The following CDKN2B-AS1 variants were observed in gnomAD, a reference collection of about 807,000 sequenced individuals.
CDKN2B-AS1 encodes CDKN2B and CDKN2A antisense cis and trans regulatory RNA 1.
At chr9:22,098,295 T>C (rs1176281555) in intron 4 of CDKN2B-AS1, among the ~76,000 whole-genome samples, 13 of 151,512 alleles carry the variant, frequency 8.6e-5, no homozygotes, top group Admixed American at 8.6e-4. Context: ...TGTATTTATA[T>C]ATAGTAAAAA....
At chr9:22,025,716 G>A (rs1003791646) in intron 1 of CDKN2B-AS1, among the ~76,000 whole-genome samples, 3 of 152,186 alleles carry the variant, frequency 2.0e-5, no homozygotes, top group African/African-American at 7.2e-5. Context: ...TCCATCCCTG[G>A]GAAATACAGG....
chr9:22,003,251 C>A (rs1430106119), intron 1 of CDKN2B-AS1: 2 of 217,128 alleles, frequency 9.2e-6, no homozygotes, highest in African/African-American at 4.5e-5. Context: ...AATTGATACC[C>A]AATAATGTTT....
At chr9:22,103,179 G>GTGTGTGTGGT (rs1825546735) in intron 4 of CDKN2B-AS1, among the ~76,000 whole-genome samples, 1 of 134,722 alleles carries the variant, frequency 7.4e-6, no homozygotes, top group African/African-American at 2.6e-5. Flanking sequence ...GTGTGTGTGT[G>GTGTGTGTGGT]GTGCGTGAAG....
rs568082402 is a variant in CDKN2B-AS1 at position 22,089,762 on chromosome 9, CT to C, written n.438+33385del. 8.7e-5 allele frequency among the ~76,000 whole-genome samples: 13 copies of C among 148,918 alleles called. No individual in the cohort carries two copies. In the South Asian group the frequency reaches 1.3e-3, roughly 15 times the overall value. Reference sequence around the variant, plus strand: ...ACTTTGCCCCCTAGCAGACGTCTTACTTTTTTTTTTAATTTGGTATTAGATT... The same window carrying C: ...ACTTTGCCCCCTAGCAGACGTCTTACTTTTTTTTTAATTTGGTATTAGATT... On this transcript the variant is annotated intron_variant and non_coding_transcript_variant, in intron 4 of 4. Transcript: ENST00000650946.
intron 1 of CDKN2B-AS1, among the ~76,000 whole-genome samples, chr9:22,028,978 A>T (rs994628400): frequency 6.6e-6 from 1 of 152,150 alleles, no homozygotes; most frequent in African/African-American, 2.4e-5. Context: ...TTGAAAATGA[A>T]CTTGTTTCTC....
At chr9:22,074,535 A>G (rs1824420143) in intron 4 of CDKN2B-AS1, among the ~76,000 whole-genome samples, 1 of 152,200 alleles carries the variant, frequency 6.6e-6, no homozygotes, top group Non-Finnish European at 1.5e-5. Context: ...TTCAGACTTC[A>G]CATATTTGTT....
intron 4 of CDKN2B-AS1, among the ~76,000 whole-genome samples, chr9:22,109,627 G>A (rs1825752063): frequency 1.3e-5 from 2 of 152,148 alleles, no homozygotes; most frequent in Non-Finnish European, 2.9e-5. Flanking sequence ...TGCTGGTGAT[G>A]GAGGTAAGAG....
chr9:22,023,035 C>G (rs973024846), intron 1 of CDKN2B-AS1, among the ~76,000 whole-genome samples: 1 of 152,104 alleles, frequency 6.6e-6, no homozygotes, highest in African/African-American at 2.4e-5. Context: ...CCTGGGCTTT[C>G]TCTCTGGCTG....
rs540953023 is a variant in CDKN2B-AS1 at position 21,995,468 on chromosome 9, C to A, written n.29+307C>A. On this transcript the variant is annotated intron_variant and non_coding_transcript_variant, in intron 1 of 4. Transcript: ENST00000650946. The surrounding 1 kb of genome is among the most constrained non-coding windows in gnomAD (Gnocchi z 5.7). ...CCACGCTCTGCCCCGCGCCCAGACA[C>A]CCCGACTCCCCTTGATCCCGCCGCC... 28 of 152,538 alleles carry A rather than the reference C, an allele frequency of 1.8e-4. No individual in the cohort carries two copies. Among genetic ancestry groups the A allele is most frequent in the Admixed American group, 7.2e-4 (11 of 15,292 alleles). 9.4% of individuals were successfully genotyped at this position (152,538 alleles called of 1,614,324 possible). A position where few individuals can be genotyped will look rare whatever the true frequency, so the allele number is the denominator to read the frequency against.
At chr9:22,027,177 CAAA>C (rs35868692) in intron 1 of CDKN2B-AS1, among the ~76,000 whole-genome samples, 12 of 141,806 alleles carry the variant, frequency 8.5e-5, no homozygotes, top group Non-Finnish European at 9.3e-5. Flanking sequence ...ACCTTTCTAG[CAAA>C]AAAAAAAAAA....
intron 4 of CDKN2B-AS1, chr9:22,120,552 A>G (rs1007774990): frequency 1.3e-5 from 2 of 152,206 alleles, no homozygotes; most frequent in African/African-American, 4.8e-5. Context: ...GCCCAAGCAT[A>G]TAGATCAAAG....
chr9:22,108,924 C>A (rs1477084954), intron 4 of CDKN2B-AS1, among the ~76,000 whole-genome samples: 4 of 151,560 alleles, frequency 2.6e-5, no homozygotes, highest in African/African-American at 9.7e-5. Flanking sequence ...CAGACCAAAC[C>A]AAAAACAAAA....
intron 1 of CDKN2B-AS1, among the ~76,000 whole-genome samples, chr9:22,022,134 G>A (rs773893898): frequency 3.9e-5 from 6 of 151,942 alleles, no homozygotes; most frequent in Non-Finnish European, 8.8e-5. Context: ...AGATTCTGTT[G>A]TTTTTCACTG....
intron 4 of CDKN2B-AS1, among the ~76,000 whole-genome samples, chr9:22,099,853 A>C (rs1825422583): frequency 6.6e-6 from 1 of 152,212 alleles, no homozygotes; most frequent in African/African-American, 2.4e-5. Context: ...ATGTGGATGC[A>C]TAAAGCGTCT....
intron 1 of CDKN2B-AS1, among the ~76,000 whole-genome samples, chr9:22,035,625 T>C (rs558173449): frequency 6.6e-6 from 1 of 152,244 alleles, no homozygotes; most frequent in South Asian, 2.1e-4. Context: ...TTGGCACCAA[T>C]ATATTGGCTG....
chr9:22,113,133 G>A (rs541452783), intron 4 of CDKN2B-AS1, among the ~76,000 whole-genome samples: 12 of 152,190 alleles, frequency 7.9e-5, no homozygotes, highest in African/African-American at 7.2e-5. Flanking sequence ...CAGGCACTGC[G>A]TGGCTCGGCT....
At chr9:22,105,060 T>TA (rs1563984562) in intron 4 of CDKN2B-AS1, among the ~76,000 whole-genome samples, 1 of 152,270 alleles carries the variant, frequency 6.6e-6, no homozygotes, top group East Asian at 1.9e-4. Flanking sequence ...GAAGCTTGGG[T>TA]CCTTAACCAC....
intron 4 of CDKN2B-AS1, among the ~76,000 whole-genome samples, chr9:22,074,687 G>T (rs762966898): frequency 2.6e-5 from 4 of 152,146 alleles, no homozygotes; most frequent in Non-Finnish European, 5.9e-5. Context: ...TGCTTTTCTT[G>T]CACTTTACTA....
intron 4 of CDKN2B-AS1, chr9:22,120,697 T>C (rs972114022): frequency 6.6e-6 from 1 of 152,072 alleles, no homozygotes; most frequent in African/African-American, 2.4e-5. Context: ...AAATAAAAAT[T>C]ATCCAGTAAT....
Sources: gnomAD v4.1 joint callset for allele counts (sites outside exome capture counted in the v4.1 genomes callset) on GRCh38, gnomAD v4.1.1 for gene constraint, Gnocchi (gnomAD v3.1) non-coding constraint, MANE v1.5 for transcripts, NCBI Gene and HGNC (gene_info 2026-07-23, HGNC 2026-07-21) for gene names.